The following AGAP1 variants were observed in gnomAD, a reference collection of about 807,000 sequenced individuals.
AGAP1 encodes the protein arf-GAP with GTPase, ANK repeat and PH domain-containing protein 1.
In AGAP1, 29 loss-of-function variants were observed where a neutral mutation model predicts 105.3. The ratio of observed to expected loss-of-function variants is 0.28; its 90% CI spans 0.21 to 0.38. AGAP1 has a LOEUF of 0.38. Ranked by LOEUF, AGAP1 falls within the 10% of genes least tolerant of loss-of-function variation. AGAP1 has a pLI of 1.00. For missense variants in AGAP1, 998 were observed against 1,165.1 expected (o/e 0.86, Z 2.09); for synonymous variants, 509 against 485.9 (o/e 1.05, Z -0.63).
chr2:235,833,196 T>G (rs1172001386), intron 9 of AGAP1, among the ~76,000 whole-genome samples: 1 of 152,098 alleles, frequency 6.6e-6, no homozygotes, highest in Non-Finnish European at 1.5e-5. Flanking sequence ...AGCAGTGCTG[T>G]GGAAGCACCG....
intron 11 of AGAP1, among the ~76,000 whole-genome samples, chr2:235,923,317 C>T (rs770835951): frequency 6.8e-4 from 104 of 152,204 alleles, no homozygotes; most frequent in Non-Finnish European, 2.6e-4. Flanking sequence ...CTGTCTCTTA[C>T]ACTTCCTGAC....
chr2:235,910,272 G>GGCCC (rs2051533362), intron 11 of AGAP1, among the ~76,000 whole-genome samples: 1 of 152,306 alleles, frequency 6.6e-6, no homozygotes. Flanking sequence ...GCTCTTGCCT[G>GGCCC]GCCTGCCTGT....
At chr2:235,853,636 T>C (rs1257530357) in intron 9 of AGAP1, among the ~76,000 whole-genome samples, 1 of 152,226 alleles carries the variant, frequency 6.6e-6, no homozygotes, top group African/African-American at 2.4e-5. Flanking sequence ...ACAATATGAC[T>C]GAACAGTGAT....
Position 236,040,678 on chromosome 2 carries a change from C to G in AGAP1, c.1801-73C>G, listed in dbSNP as rs1310610501. 1 of 1,425,950 alleles carries G rather than the reference C, an allele frequency of 7.0e-7. No individual in the cohort carries two copies. The highest frequency in any genetic ancestry group is 2.3e-5 in the East Asian group (1 of 43,754). 88.3% of individuals were successfully genotyped at this position (1,425,950 alleles called of 1,614,324 possible). A position where few individuals can be genotyped will look rare whatever the true frequency, so the allele number is the denominator to read the frequency against. On this transcript the variant is annotated intron_variant, in intron 14 of 17. Transcript: ENST00000304032. The surrounding 1 kb of genome is among the most constrained non-coding windows in gnomAD (Gnocchi z 5.6). ...TTGCTCCCAATCTGTTTGATCTTTCCCTGATGTTATCAGTGATGTGCGTTT... is the reference window on the plus strand; with the variant it reads ...TTGCTCCCAATCTGTTTGATCTTTCGCTGATGTTATCAGTGATGTGCGTTT...
chr2:236,047,620 T>TTTTTTTGG (rs2057761857), intron 15 of AGAP1, among the ~76,000 whole-genome samples: 1 of 113,636 alleles, frequency 8.8e-6, no homozygotes, highest in African/African-American at 3.3e-5. Flanking sequence ...TTTTTTTTTT[T>TTTTTTTGG]GAGGAGTCTC....
chr2:235,514,803 T>G (rs1414577146), intron 1 of AGAP1, among the ~76,000 whole-genome samples: 1 of 152,196 alleles, frequency 6.6e-6, no homozygotes, highest in Admixed American at 6.5e-5. Flanking sequence ...TGGTGAGAGC[T>G]CCATGGAGCT....
In AGAP1 at chr2:235,733,534, C is replaced by T. The variant is rs1045832045; in HGVS notation, c.311-7429C>T. 7.2e-5 allele frequency among the ~76,000 whole-genome samples: 11 copies of T among 152,168 alleles called. No individual in the cohort carries two copies. The highest frequency in any genetic ancestry group is 7.2e-4 in the Admixed American group (11 of 15,278). ...TTCCTTCTGGCTTTAATGTTTCCCC[C>T]TTGTTTTATTAGGAAAGGAGGAAAG... is the stretch of plus-strand genomic sequence containing the variant. On this transcript the variant is annotated intron_variant, in intron 3 of 17. Coordinates refer to ENST00000304032, the MANE Select transcript of AGAP1 (RefSeq NM_001037131.3). This position sits in a 1 kb window ranked among gnomAD's most constrained non-coding sequence, Gnocchi z 5.0.
At position 235,963,971 on chromosome 2, in the gene AGAP1, G is replaced by C. The variant is rs6733233; in HGVS notation, c.1484-4491G>C. On this transcript the variant is annotated intron_variant, in intron 12 of 17. Transcript: ENST00000304032. This position sits in a 1 kb window ranked among gnomAD's most constrained non-coding sequence, Gnocchi z 5.1. ...CTCATAAAAACAACCGCTGGATAAC[G>C]GAAGAGAGTTTATGATATAATGCAC... is the stretch of plus-strand genomic sequence containing the variant. Among the ~76,000 whole-genome samples the C allele has an allele frequency of 2.6e-5, 4 of 152,176 alleles. No individual in the cohort carries two copies. The East Asian group carries it at 7.7e-4, about 29-fold the overall frequency.
chr2:235,975,879 A>C (rs2054838949), intron 13 of AGAP1, among the ~76,000 whole-genome samples: 1 of 152,236 alleles, frequency 6.6e-6, no homozygotes, highest in South Asian at 2.1e-4. Context: ...CTGCATAATC[A>C]ACAGTAATTT....
chr2:236,126,280 C>T lies in AGAP1; in HGVS notation c.*2158C>T, dbSNP rs2060002875. On this transcript the variant is annotated 3_prime_UTR_variant, in exon 18 of 18. Transcript: ENST00000304032. Reference sequence around the variant, plus strand: ...TATTGTAAATGTGAATAGAAAAAAACAGGTCATTGCCTATTTTTGAAGAAC... The same window carrying T: ...TATTGTAAATGTGAATAGAAAAAAATAGGTCATTGCCTATTTTTGAAGAAC... The T allele has an allele frequency of 6.6e-6, 1 of 152,166 alleles. No homozygotes were observed. The highest frequency in any genetic ancestry group is 1.5e-5 in the Non-Finnish European group (1 of 68,040). The allele number at this position is 152,166 out of a possible 1,614,324, so 9.4% of individuals were successfully genotyped here.
rs1359933354 is a variant in AGAP1 at position 236,089,817 on chromosome 2, G to T, written c.2115-30375G>T. ...TTGAATGGCTGACGAGGTCTAATTG[G>T]CATGTAACGCCCTATAAATTTATTA... On this transcript the variant is annotated intron_variant, in intron 16 of 17. Transcript: ENST00000304032. This position sits in a 1 kb window ranked among gnomAD's most constrained non-coding sequence, Gnocchi z 5.6. Among the ~76,000 whole-genome samples the T allele has an allele frequency of 6.6e-6, 1 of 152,054 alleles. No homozygotes were observed. The highest frequency in any genetic ancestry group is 1.5e-5 in the Non-Finnish European group (1 of 68,024).
Position 235,837,973 on chromosome 2 carries a change from A to G in AGAP1, c.1050+30642A>G, listed in dbSNP as rs150452574. On this transcript the variant is annotated intron_variant, in intron 9 of 17. Transcript: ENST00000304032. ...TGAGGTGGGTAGATCACCTGAGGTC[A>G]GGAGTATGAGACCAGCCTGGCCACC... Among the ~76,000 whole-genome samples the G allele has an allele frequency of 2.5e-3, 381 of 152,292 alleles. 1 individual carries two copies. The highest frequency in any genetic ancestry group is 8.9e-3 in the African/African-American group (371 of 41,552).
At chr2:235,717,720 T>C (rs991658835) in intron 3 of AGAP1, 76 bp downstream of exon 3, 5 of 1,210,282 alleles carry the variant, frequency 4.1e-6, no homozygotes, top group Middle Eastern at 1.9e-4. Context: ...TTATAAATCA[T>C]GACTTTGATG....
At chr2:236,019,410 G>A (rs2056814427) in intron 13 of AGAP1, among the ~76,000 whole-genome samples, 1 of 152,182 alleles carries the variant, frequency 6.6e-6, no homozygotes, top group East Asian at 1.9e-4. Context: ...TTGATTTAGG[G>A]GTCAGGACAG....
rs896017594 is a variant in AGAP1, at chr2:235,555,608, G to T, written c.163+60759G>T. On this transcript the variant is annotated intron_variant, in intron 1 of 17. Transcript: ENST00000304032. The surrounding 1 kb of genome is among the most constrained non-coding windows in gnomAD (Gnocchi z 5.1). ...TGTTTGGAGGCCGGGCTGTGCATGA[G>T]CTATGCAGGCCTTGGGGTCTTTTCA... Among the ~76,000 whole-genome samples the T allele has an allele frequency of 3.9e-5, 6 of 152,232 alleles. No homozygotes were observed. The highest frequency in any genetic ancestry group is 1.4e-4 in the African/African-American group (6 of 41,468).
intron 9 of AGAP1, among the ~76,000 whole-genome samples, chr2:235,868,532 A>G (rs896983128): frequency 4.6e-5 from 7 of 152,262 alleles, no homozygotes; most frequent in African/African-American, 1.4e-4. Flanking sequence ...TAGCCATGAA[A>G]TGTTCCCTCT....
intron 1 of AGAP1, among the ~76,000 whole-genome samples, chr2:235,703,264 A>C (rs1008852766): frequency 2.0e-5 from 3 of 151,926 alleles, no homozygotes; most frequent in Non-Finnish European, 4.4e-5. Context: ...TGGTTGCTTC[A>C]TCAGGACTTG....
intron 13 of AGAP1, among the ~76,000 whole-genome samples, chr2:236,008,996 A>G (rs1052378683): frequency 2.6e-5 from 4 of 152,146 alleles, no homozygotes; most frequent in East Asian, 1.9e-4. Context: ...CACGTGTCCT[A>G]TATATTTGCT....
chr2:235,670,764 C>T (rs868864230), intron 1 of AGAP1: 4 of 1,101,808 alleles, frequency 3.6e-6, no homozygotes, highest in Admixed American at 4.4e-5. Context: ...AAGAACGACG[C>T]GCTCTCGGAC....
Sources: gnomAD v4.1 joint callset for allele counts (sites outside exome capture counted in the v4.1 genomes callset) on GRCh38, gnomAD v4.1.1 for gene constraint, Gnocchi (gnomAD v3.1) non-coding constraint, MANE v1.5 for transcripts, NCBI Gene and HGNC (gene_info 2026-07-23, HGNC 2026-07-21) for gene names.